The following SLTM variants were observed in gnomAD, a reference collection of about 807,000 sequenced individuals.
SLTM encodes the protein SAFB-like transcription modulator.
A neutral mutation model predicts 134.6 loss-of-function variants in SLTM; 43 were observed. That is an observed-to-expected ratio of 0.32 (90% CI 0.25 to 0.41). The LOEUF is 0.41. Ranked by LOEUF, SLTM falls within the 10% of genes least tolerant of loss-of-function variation. SLTM has a pLI of 1.00. For missense variants in SLTM, 1,055 were observed against 1,288.8 expected (o/e 0.82, Z 2.78); for synonymous variants, 424 against 432.3 (o/e 0.98, Z 0.24).
In SLTM at chr15:58,913,511, G is replaced by A; in HGVS notation, c.501C>T (p.Asp167=). Residue 167 remains aspartate, a synonymous_variant, in exon 4 of 21, where the codon GAC becomes GAT. Transcript: ENST00000380516. ...ACTGGCTAAAGACCTGACTTTCGAT[G>A]TCCTCTTTTTCTATATCTTCTATTC... ...AEGIEDIEKE[D]IESQEIEAQE... The A allele has an allele frequency of 6.2e-7, 1 of 1,605,422 alleles. No individual in the cohort carries two copies. Among genetic ancestry groups the A allele is most frequent in the Non-Finnish European group, 8.5e-7 (1 of 1,177,100 alleles).
chr15:58,899,427 C>A lies in SLTM; in HGVS notation c.1058+42G>T. The A allele has an allele frequency of 6.6e-7, 1 of 1,521,108 alleles. No individual in the cohort carries two copies. Among genetic ancestry groups the A allele is most frequent in the East Asian group, 2.3e-5 (1 of 44,398 alleles). The allele number at this position is 1,521,108 out of a possible 1,614,324, so 94.2% of individuals were successfully genotyped here. A position where few individuals can be genotyped will look rare whatever the true frequency, so the allele number is the denominator to read the frequency against. ...TAATGTAGAGTGATCTTATTGAATG[C>A]TGGAATTCAGTATCGTAAAGAACTG... On this transcript the variant is annotated intron_variant, in intron 7 of 20. Coordinates refer to ENST00000380516, the MANE Select transcript of SLTM (RefSeq NM_024755.4). This position sits in a 1 kb window ranked among gnomAD's most constrained non-coding sequence, Gnocchi z 5.0.
chr15:58,920,623 A>C (rs2036964778), intron 2 of SLTM, among the ~76,000 whole-genome samples: 1 of 96,430 alleles, frequency 1.0e-5, no homozygotes, highest in Non-Finnish European at 2.1e-5. Context: ...ACTCCATCTC[A>C]AAATAATAAA....
intron 10 of SLTM, 38 bp from the exon 11 acceptor site, chr15:58,894,231 G>A (rs1279260699): frequency 2.0e-6 from 3 of 1,517,704 alleles, no homozygotes; most frequent in East Asian, 4.5e-5. Flanking sequence ...TTGTACATAT[G>A]GTTACATTTT....
At chr15:58,924,171 CAT>C (rs2141212468) in intron 2 of SLTM, among the ~76,000 whole-genome samples, 1 of 152,226 alleles carries the variant, frequency 6.6e-6, no homozygotes. Context: ...GGGCAGTAAA[CAT>C]AATCTGAATA....
intron 2 of SLTM, among the ~76,000 whole-genome samples, chr15:58,922,141 C>A (rs1431946674): frequency 6.6e-6 from 1 of 151,504 alleles, no homozygotes; most frequent in African/African-American, 2.4e-5. Context: ...TTTGGGAGGC[C>A]GAGGTGGGTG....
chr15:58,932,738 G>C (rs938424040), intron 1 of SLTM, among the ~76,000 whole-genome samples: 2 of 152,180 alleles, frequency 1.3e-5, no homozygotes, highest in Non-Finnish European at 2.9e-5. Flanking sequence ...TTGCAGAAAA[G>C]TTGCTAGCTA....
chr15:58,930,905 A>G (rs906592860), intron 2 of SLTM, among the ~76,000 whole-genome samples: 2 of 152,018 alleles, frequency 1.3e-5, no homozygotes, highest in African/African-American at 4.8e-5. Context: ...AGAGAAATTA[A>G]AAGTAGGTGA....
intron 16 of SLTM, among the ~76,000 whole-genome samples, chr15:58,888,910 T>A (rs2034438694): frequency 6.6e-6 from 1 of 152,212 alleles, no homozygotes; most frequent in South Asian, 2.1e-4. Context: ...CACAACCTCT[T>A]CAGTTATCCT....
chr15:58,919,390 T>C (rs1188237188), intron 2 of SLTM, among the ~76,000 whole-genome samples: 1 of 151,932 alleles, frequency 6.6e-6, no homozygotes, highest in Non-Finnish European at 1.5e-5. Flanking sequence ...AGCCCATGAG[T>C]TGAGACCAGC....
At chr15:58,918,463 C>T (rs1310405092) in intron 2 of SLTM, among the ~76,000 whole-genome samples, 1 of 152,178 alleles carries the variant, frequency 6.6e-6, no homozygotes, top group Non-Finnish European at 1.5e-5. Flanking sequence ...AATTCTAAGT[C>T]ATTTCCGCAA....
In SLTM at chr15:58,887,379, A is replaced by G. The variant is rs1170738123; in HGVS notation, c.2537T>C (p.Val846Ala). The G allele has an allele frequency of 9.3e-6, 15 of 1,612,660 alleles. No individual in the cohort carries two copies. The highest frequency in any genetic ancestry group is 1.3e-5 in the Non-Finnish European group (15 of 1,179,692). The change falls in exon 18 of 21, where the codon GTA becomes GCA. Residue 846 changes from valine (V) to alanine (A), a missense_variant. Around this residue, in one of 3 missense-constraint regions of SLTM, gnomAD observed 776 missense variants for 962.2 expected, o/e 0.81. Coordinates refer to ENST00000380516, the MANE Select transcript of SLTM (RefSeq NM_024755.4). The part of the protein sequence containing the change: ...NELRESDRRE[V>A]RGERDERRTV... ...TCTCCTTTCGTCTCGCTCCCCTCGT[A>G]CTTCTCGCCTGTCTGATTCTCTAAG...
At position 58,932,456 on chromosome 15, in the gene SLTM, G is replaced by A. The variant is rs1470170044; in HGVS notation, c.163-13C>T. ...CCTCTTCAATAGCCTACATTAGAAA[G>A]AGAAGTTAATATGCTACACAATCTA... On this transcript the variant is annotated splice_polypyrimidine_tract_variant and intron_variant, in intron 1 of 20. Coordinates refer to ENST00000380516, the MANE Select transcript of SLTM (RefSeq NM_024755.4). 1.3e-6 allele frequency: 2 copies of A among 1,569,634 alleles called. No homozygotes were observed. Among genetic ancestry groups the A allele is most frequent in the Non-Finnish European group, 1.8e-6 (2 of 1,140,054 alleles).
At position 58,893,013 on chromosome 15, in the gene SLTM, T is replaced by C. The variant is rs1187807486; in HGVS notation, c.1782A>G (p.Lys594=). 6.2e-7 allele frequency: 1 copy of C among 1,611,940 alleles called. No individual in the cohort carries two copies. The highest frequency in any genetic ancestry group is 1.7e-4 in the Middle Eastern group (1 of 6,054). ...CTTTCCTTCTGTAGTCTTTATCTCT[T>C]TTTTTATCTAGACTAGCTCTCTCCT... The part of the protein sequence containing the change: ...KEKERASLDK[K]RDKDYRRKEI... The change falls in exon 14 of 21, where the codon AAA becomes AAG. Residue 594 remains lysine, a synonymous_variant. Transcript: ENST00000380516.
chr15:58,894,394 A>T (rs2034908816), intron 10 of SLTM, 39 bp downstream of exon 10: 1 of 1,611,662 alleles, frequency 6.2e-7, no homozygotes, highest in South Asian at 1.1e-5. Context: ...ACTAGCCATC[A>T]AATTAGACTT....
At chr15:58,884,360 C>G (rs1197751603) in intron 19 of SLTM, among the ~76,000 whole-genome samples, 1 of 152,024 alleles carries the variant, frequency 6.6e-6, no homozygotes, top group East Asian at 1.9e-4. Context: ...CGCTCTGTTG[C>G]CAGGCTGGAA....
chr15:58,883,424 A>T, intron 20 of SLTM: 7 of 631,462 alleles, frequency 1.1e-5, no homozygotes, highest in Non-Finnish European at 1.9e-5. Flanking sequence ...AATTCATTTA[A>T]AAGGAAGAAT....
intron 11 of SLTM, 46 bp from the exon 12 acceptor site, chr15:58,894,033 A>G: frequency 6.2e-7 from 1 of 1,602,380 alleles, no homozygotes; most frequent in Non-Finnish European, 8.5e-7. Flanking sequence ...GTACTTCATA[A>G]TGTACCAAAA....
Position 58,899,443 on chromosome 15 carries a change from T to C in SLTM, c.1058+26A>G, listed in dbSNP as rs1203091110. ...TATTGAATGCTGGAATTCAGTATCG[T>C]AAAGAACTGACATAGAAAAACAAAC... On this transcript the variant is annotated intron_variant, in intron 7 of 20. Coordinates refer to ENST00000380516, the MANE Select transcript of SLTM (RefSeq NM_024755.4). This position sits in a 1 kb window ranked among gnomAD's most constrained non-coding sequence, Gnocchi z 5.0. 9 of 1,587,458 alleles carry C rather than the reference T, an allele frequency of 5.7e-6. No individual in the cohort carries two copies. Among genetic ancestry groups the C allele is most frequent in the Non-Finnish European group, 7.8e-6 (9 of 1,157,236 alleles).
intron 14 of SLTM, 38 bp from the exon 15 acceptor site, chr15:58,890,499 C>CT (rs2034567750): frequency 1.3e-6 from 2 of 1,579,804 alleles, no homozygotes; most frequent in African/African-American, 2.7e-5. Context: ...TTAAATTATG[C>CT]TAGCACTGTG....
Sources: gnomAD v4.1 joint callset for allele counts (sites outside exome capture counted in the v4.1 genomes callset) on GRCh38, gnomAD v4.1.1 for gene constraint, gnomAD v4.1.1 regional missense constraint, Gnocchi (gnomAD v3.1) non-coding constraint, MANE v1.5 for transcripts, NCBI Gene and HGNC (gene_info 2026-07-23, HGNC 2026-07-21) for gene names.